Variants in TTC17 observed in about 807,000 individuals in gnomAD.
TTC17 encodes the protein tetratricopeptide repeat domain 17.
TTC17 carries 58 observed loss-of-function variants against 143.8 expected under a neutral mutation model. The ratio of observed to expected loss-of-function variants is 0.40; its 90% CI spans 0.33 to 0.50. TTC17 has a LOEUF of 0.50. TTC17 is among the 20% of genes least tolerant of loss of function. TTC17 has a pLI of 0.49. For missense variants in TTC17, 1,273 were observed against 1,392.5 expected (o/e 0.91, Z 1.37); for synonymous variants, 501 against 497.8 (o/e 1.01, Z -0.09).
chr11:43,404,815 C>T lies in TTC17; in HGVS notation c.1479+671C>T, dbSNP rs541224730. 3.9e-5 allele frequency among the ~76,000 whole-genome samples: 6 copies of T among 152,220 alleles called. No homozygotes were observed. The South Asian group carries it at 8.3e-4, about 21-fold the overall frequency. On this transcript the variant is annotated intron_variant, in intron 11 of 23. Coordinates refer to ENST00000039989, the MANE Select transcript of TTC17 (RefSeq NM_018259.6). The stretch of plus-strand genomic sequence containing the variant: ...TAAGTTTAGTAAGCCTCTGGTACAT[C>T]TTATTTATTTTTAGAGAAAATTAAC...
intron 1 of TTC17, among the ~76,000 whole-genome samples, chr11:43,359,729 G>A (rs1213719430): frequency 1.3e-5 from 2 of 152,198 alleles, no homozygotes; most frequent in African/African-American, 4.8e-5. Flanking sequence ...TGCCGCTGGT[G>A]GCGTTGCCTG....
At chr11:43,388,351 A>G (rs888893290) in intron 2 of TTC17, among the ~76,000 whole-genome samples, 1 of 152,094 alleles carries the variant, frequency 6.6e-6, no homozygotes, top group African/African-American at 2.4e-5. Flanking sequence ...TTACAAAGCA[A>G]TGCTGTATTT....
chr11:43,444,396 G>A, intron 18 of TTC17, 187 bp downstream of exon 18: 1 of 452,948 alleles, frequency 2.2e-6, no homozygotes, highest in Non-Finnish European at 3.7e-6. Context: ...TTATGGAAAT[G>A]CAAATTCCAG....
At chr11:43,492,532 A>T (rs905018756) in intron 23 of TTC17, among the ~76,000 whole-genome samples, 1 of 151,992 alleles carries the variant, frequency 6.6e-6, no homozygotes, top group Non-Finnish European at 1.5e-5. Flanking sequence ...CTGTCATCGC[A>T]CTCATGACAC....
intron 21 of TTC17, among the ~76,000 whole-genome samples, chr11:43,458,213 C>T (rs766306943): frequency 1.3e-5 from 2 of 152,112 alleles, no homozygotes; most frequent in Non-Finnish European, 2.9e-5. Context: ...CACACAAGAG[C>T]TCTTGACTCT....
intron 16 of TTC17, among the ~76,000 whole-genome samples, chr11:43,439,369 A>G (rs1037006212): frequency 6.6e-6 from 1 of 152,076 alleles, no homozygotes; most frequent in African/African-American, 2.4e-5. Flanking sequence ...TGAGGTGCAC[A>G]GACTTAAACA....
chr11:43,443,860 T>G (rs1366402110), intron 17 of TTC17, among the ~76,000 whole-genome samples, 196 bp from the exon 18 acceptor site: 1 of 152,230 alleles, frequency 6.6e-6, no homozygotes, highest in Non-Finnish European at 1.5e-5. Context: ...CTTTTCGGTT[T>G]CTTCTATACA....
chr11:43,407,603 TC>T, intron 15 of TTC17, 26 bp downstream of exon 15: 1 of 1,588,738 alleles, frequency 6.3e-7, no homozygotes, highest in Non-Finnish European at 8.6e-7. Flanking sequence ...ATTTCATAGT[TC>T]CGTATACTAT....
At chr11:43,411,538 T>G (rs1858413125) in intron 15 of TTC17, among the ~76,000 whole-genome samples, 1 of 152,124 alleles carries the variant, frequency 6.6e-6, no homozygotes, top group Admixed American at 6.6e-5. Flanking sequence ...AAGGCAGCAG[T>G]TACCTTTCTT....
chr11:43,436,282 T>C, intron 16 of TTC17: 1 of 1,365,750 alleles, frequency 7.3e-7, no homozygotes, highest in Non-Finnish European at 9.4e-7. Flanking sequence ...AGGAGGACCC[T>C]GTATTCTCTG....
intron 1 of TTC17, among the ~76,000 whole-genome samples, chr11:43,362,128 G>C (rs1277947857): frequency 1.3e-5 from 2 of 150,884 alleles, no homozygotes; most frequent in Non-Finnish European, 2.9e-5. Flanking sequence ...TTACAGGCAT[G>C]CACTACCACA....
At chr11:43,486,540 G>A in intron 21 of TTC17, 1 of 311,446 alleles carries the variant, frequency 3.2e-6, no homozygotes, top group Non-Finnish European at 7.0e-6. Flanking sequence ...GTATGTCAGA[G>A]ATAGAACTAT....
Position 43,414,624 on chromosome 11 carries a change from T to C in TTC17, c.2099T>C (p.Leu700Pro), listed in dbSNP as rs772389552. Residue 700 changes from leucine to proline, a missense_variant, in exon 16 of 24, where the codon CTT becomes CCT. Leu to Pro is a moderately conservative substitution (Grantham distance 98). This residue lies in a region of TTC17 where 878 missense variants were observed against 899.8 expected (regional missense o/e 0.98). Coordinates refer to ENST00000039989, the MANE Select transcript of TTC17 (RefSeq NM_018259.6). ...LTFLSLGNAY[L>P]ALKNISGALE... The stretch of plus-strand genomic sequence containing the variant: ...TTTTTGAGCCTGGGAAATGCTTACC[T>C]TGCTCTGAAGAATATCAGTGGGGCA... 5.0e-6 allele frequency: 8 copies of C among 1,612,386 alleles called. No homozygotes were observed. The highest frequency in any genetic ancestry group is 6.8e-6 in the Non-Finnish European group (8 of 1,179,202).
At chr11:43,468,232 TA>T (rs1215709206) in intron 21 of TTC17, 1 of 152,208 alleles carries the variant, frequency 6.6e-6, no homozygotes, top group Non-Finnish European at 1.5e-5. Flanking sequence ...TAGACCTCTG[TA>T]CCCTGCAAAT....
chr11:43,375,465 TTAAA>T (rs1856727564), intron 1 of TTC17, among the ~76,000 whole-genome samples: 1 of 152,194 alleles, frequency 6.6e-6, no homozygotes, highest in South Asian at 2.1e-4. Flanking sequence ...GTCTTAATAT[TTAAA>T]TAACTATAAT....
chr11:43,474,291 T>G (rs1590485163), intron 21 of TTC17, among the ~76,000 whole-genome samples: 1 of 152,194 alleles, frequency 6.6e-6, no homozygotes, highest in South Asian at 2.1e-4. Flanking sequence ...AAATAATATC[T>G]TAGGATACTA....
At chr11:43,431,007 G>A (rs1947145940) in intron 16 of TTC17, among the ~76,000 whole-genome samples, 1 of 152,078 alleles carries the variant, frequency 6.6e-6, no homozygotes. Flanking sequence ...TCCCACTTAT[G>A]AGTGAGAACA....
intron 5 of TTC17, among the ~76,000 whole-genome samples, chr11:43,395,044 G>A (rs546732819): frequency 1.1e-4 from 17 of 151,026 alleles, no homozygotes; most frequent in Non-Finnish European, 2.1e-4. Context: ...CTTACCTCCA[G>A]TATGCTATGA....
intron 16 of TTC17, among the ~76,000 whole-genome samples, chr11:43,431,930 G>A (rs186705571): frequency 4.1e-4 from 62 of 152,308 alleles, no homozygotes; most frequent in African/African-American, 1.4e-3. Context: ...CTGCTCTAAT[G>A]CTCTTACAAA....
Sources: gnomAD v4.1 joint callset for allele counts (sites outside exome capture counted in the v4.1 genomes callset) on GRCh38, gnomAD v4.1.1 for gene constraint, gnomAD v4.1.1 regional missense constraint, MANE v1.5 for transcripts, NCBI Gene and HGNC (gene_info 2026-07-23, HGNC 2026-07-21) for gene names.